STAM: variants seen among roughly 807,000 people sequenced by gnomAD.
STAM encodes signal transducing adapter molecule 1.
A neutral mutation model predicts 63.4 loss-of-function variants in STAM; 16 were observed. The ratio of observed to expected loss-of-function variants is 0.25; its 90% confidence interval spans 0.17 to 0.38. The LOEUF is 0.38. STAM is among the 10% of genes least tolerant of loss of function. STAM has a pLI of 1.00. For synonymous variants in STAM, 238 were observed against 223.9 expected, an observed-to-expected ratio of 1.06 and a Z score of -0.56; for missense variants, 636 against 657.1, an observed-to-expected ratio of 0.97 and a Z score of 0.35.
chr10:17,704,871 A>G (rs1836184354), intron 10 of STAM, 99 bp from the exon 11 acceptor site: 2 of 1,062,748 alleles, frequency 1.9e-6, no homozygotes, highest in Admixed American at 4.3e-5. Context: ...ATTACTCCAA[A>G]TTAAATCTTT....
At chr10:17,682,228 G>A (rs1209153765) in intron 2 of STAM, among the ~76,000 whole-genome samples, 1 of 152,170 alleles carries the variant, frequency 6.6e-6, no homozygotes, top group Non-Finnish European at 1.5e-5. Flanking sequence ...TTCATAAAAT[G>A]AAATAGTATT....
intron 2 of STAM, among the ~76,000 whole-genome samples, chr10:17,663,990 TAC>T (rs1300279049): frequency 1.3e-5 from 2 of 152,006 alleles, no homozygotes; most frequent in East Asian, 3.8e-4. Flanking sequence ...ATTTTATGAC[TAC>T]ATTGTTTTAA....
chr10:17,668,440 C>T (rs1834488421), intron 2 of STAM, among the ~76,000 whole-genome samples: 1 of 152,188 alleles, frequency 6.6e-6, no homozygotes, highest in Non-Finnish European at 1.5e-5. Flanking sequence ...TGATACATTA[C>T]TATTAACTAA....
At chr10:17,648,918 ACT>A (rs1274670551) in intron 1 of STAM, among the ~76,000 whole-genome samples, 4 of 151,780 alleles carry the variant, frequency 2.6e-5, no homozygotes, top group Admixed American at 2.0e-4. Context: ...CTCCAGACTC[ACT>A]CTCTTGAATT....
Position 17,706,701 on chromosome 10 carries a change from C to T in STAM, c.1209+960C>T, listed in dbSNP as rs140735367. 3.1e-3 allele frequency among the ~76,000 whole-genome samples: 471 copies of T among 152,014 alleles called. 2 individuals carry two copies. Among genetic ancestry groups the T allele is most frequent in the African/African-American group, 0.011 (455 of 41,478 alleles). ...GCCGAGGCCCATATTTTTAAAGCTT[C>T]GTATGTAATTATTTACTTAAGAACC... On this transcript the variant is annotated intron_variant, in intron 12 of 13. Transcript: ENST00000377524.
At chr10:17,678,184 C>T (rs1477907438) in intron 2 of STAM, among the ~76,000 whole-genome samples, 2 of 152,106 alleles carry the variant, frequency 1.3e-5, no homozygotes, top group African/African-American at 2.4e-5. Context: ...TGTGGATTTG[C>T]CTGTTGTAGA....
At chr10:17,691,748 C>T (rs1345991170) in intron 5 of STAM, among the ~76,000 whole-genome samples, 1 of 152,148 alleles carries the variant, frequency 6.6e-6, no homozygotes, top group African/African-American at 2.4e-5. Context: ...AGATTATTGC[C>T]TGTTACAATG....
chr10:17,670,908 A>G (rs1264325763), intron 2 of STAM, among the ~76,000 whole-genome samples: 8 of 152,064 alleles, frequency 5.3e-5, no homozygotes, highest in African/African-American at 1.9e-4. Context: ...TCAAATTTGC[A>G]TTTTGAATAT....
At chr10:17,675,708 A>G (rs566916930) in intron 2 of STAM, among the ~76,000 whole-genome samples, 2 of 152,278 alleles carry the variant, frequency 1.3e-5, no homozygotes, top group South Asian at 2.1e-4. Context: ...CTTTATTCCT[A>G]AAGCCTTGCA....
chr10:17,668,340 G>A (rs1334433698), intron 2 of STAM, among the ~76,000 whole-genome samples: 6 of 152,226 alleles, frequency 3.9e-5, no homozygotes, highest in African/African-American at 1.4e-4. Context: ...ATATTGAACA[G>A]ATAGTACAGA....
chr10:17,712,752 C>G (rs915706970), intron 13 of STAM, among the ~76,000 whole-genome samples: 14 of 152,234 alleles, frequency 9.2e-5, no homozygotes, highest in African/African-American at 3.4e-4. Flanking sequence ...AACAGGAAGA[C>G]AGGAAGTAGA....
At chr10:17,671,885 T>C (rs1454411433) in intron 2 of STAM, among the ~76,000 whole-genome samples, 2 of 152,210 alleles carry the variant, frequency 1.3e-5, no homozygotes, top group East Asian at 3.8e-4. Flanking sequence ...CTAAAAATCA[T>C]TTATTAATTT....
At chr10:17,648,444 C>G (rs1320310349) in intron 1 of STAM, among the ~76,000 whole-genome samples, 1 of 152,194 alleles carries the variant, frequency 6.6e-6, no homozygotes. Context: ...CAGCAACCGG[C>G]TCGGGTCCCC....
intron 1 of STAM, among the ~76,000 whole-genome samples, chr10:17,657,590 G>A (rs782414348): frequency 1.3e-5 from 2 of 152,106 alleles, no homozygotes; most frequent in Non-Finnish European, 2.9e-5. Flanking sequence ...ACCCATCTGG[G>A]CCTGTGCTTT....
chr10:17,673,032 T>G (rs1834704366), intron 2 of STAM: 1 of 985,284 alleles, frequency 1.0e-6, no homozygotes, highest in Non-Finnish European at 1.2e-6. Context: ...AATGGGGTTT[T>G]AAGAAGCTTT....
chr10:17,688,231 T>C, intron 5 of STAM, 58 bp downstream of exon 5: 10 of 1,345,982 alleles, frequency 7.4e-6, no homozygotes, highest in Non-Finnish European at 9.6e-6. Flanking sequence ...AATAGCTATA[T>C]TTATTTGAAT....
intron 5 of STAM, 61 bp from the exon 6 acceptor site, chr10:17,693,161 T>G: frequency 2.1e-6 from 3 of 1,460,560 alleles, no homozygotes; most frequent in Non-Finnish European, 2.8e-6. Flanking sequence ...ATTCTTAGGG[T>G]GGGTGAGAGG....
At position 17,694,449 on chromosome 10, in the gene STAM, A is replaced by G. The variant is rs1835669992; in HGVS notation, c.536-600A>G. On this transcript the variant is annotated intron_variant, in intron 6 of 13. Transcript: ENST00000377524. ...AGAAAGGGTTCTGTGTTGAATTGAA[A>G]GCAGGATAATCAATGCACTGATATT... 2.0e-5 allele frequency among the ~76,000 whole-genome samples: 3 copies of G among 152,178 alleles called. No individual in the cohort carries two copies. In the South Asian group the frequency reaches 6.2e-4, roughly 32 times the overall value.
At chr10:17,655,819 T>C (rs1833914429) in intron 1 of STAM, among the ~76,000 whole-genome samples, 1 of 152,226 alleles carries the variant, frequency 6.6e-6, no homozygotes, top group Admixed American at 6.5e-5. Flanking sequence ...ATCTTGGTGA[T>C]GTTATCTTTC....
Sources: gnomAD v4.1 joint callset for allele counts (sites outside exome capture counted in the v4.1 genomes callset) on GRCh38, gnomAD v4.1.1 for gene constraint, MANE v1.5 for transcripts, NCBI Gene and HGNC (gene_info 2026-07-23, HGNC 2026-07-21) for gene names.